Variants in NRG3 observed in about 807,000 individuals in gnomAD.
NRG3 encodes the protein neuregulin 3, also known as pro-neuregulin-3, membrane-bound isoform.
Under a neutral mutation model 66.9 loss-of-function variants are expected in NRG3, and 31 were observed. The ratio of observed to expected loss-of-function variants is 0.46; its 90% CI spans 0.35 to 0.63. The LOEUF (loss-of-function observed/expected upper bound fraction) is 0.63, where lower values mean the gene tolerates loss of function less well. Ranked by LOEUF, NRG3 falls within the 20% of genes least tolerant of loss-of-function variation. NRG3 has a pLI of 0.00. For synonymous variants in NRG3, 393 were observed against 359.4 expected, an observed-to-expected ratio of 1.09 and a Z score of -1.06; for missense variants, 910 against 878.9, an observed-to-expected ratio of 1.04 and a Z score of -0.45.
At chr10:82,374,388 G>A (rs2085077363) in intron 2 of NRG3, among the ~76,000 whole-genome samples, 1 of 152,164 alleles carries the variant, frequency 6.6e-6, no homozygotes, top group Admixed American at 6.5e-5. Flanking sequence ...TAAAGCTCTC[G>A]ATCCTCCAAT....
intron 2 of NRG3, among the ~76,000 whole-genome samples, chr10:82,438,788 C>G (rs556403690): frequency 4.6e-5 from 7 of 152,258 alleles, no homozygotes; most frequent in African/African-American, 1.4e-4. Flanking sequence ...TTCTTCTTTC[C>G]CATGTGGCTT....
chr10:81,891,440 C>T (rs1282896064), intron 1 of NRG3, among the ~76,000 whole-genome samples: 1 of 152,078 alleles, frequency 6.6e-6, no homozygotes, highest in Non-Finnish European at 1.5e-5. Context: ...GGCTTGTTAC[C>T]TCATCTCCAT....
At position 82,886,360 on chromosome 10, in the gene NRG3, GC is replaced by G. The variant is rs563326153; in HGVS notation, c.1054+20924del. On this transcript the variant is annotated intron_variant, in intron 4 of 8. Coordinates refer to ENST00000372141, the MANE Select transcript of NRG3 (RefSeq NM_001010848.4). ...GCTCAACCCTCACTAGCAGTACCTCGCATATACATGAGTTTGAATGTTCCCT... is the reference window on the plus strand; with the variant it reads ...GCTCAACCCTCACTAGCAGTACCTCGATATACATGAGTTTGAATGTTCCCT... 1.6e-3 allele frequency among the ~76,000 whole-genome samples: 238 copies of G among 152,202 alleles called. 3 individuals carry two copies. Among genetic ancestry groups the G allele is most frequent in the African/African-American group, 5.5e-3 (227 of 41,532 alleles).
chr10:82,199,895 T>C (rs1004048939), intron 1 of NRG3, among the ~76,000 whole-genome samples: 84 of 141,392 alleles, frequency 5.9e-4, no homozygotes, highest in African/African-American at 1.7e-3. Context: ...TGTGCGTGTG[T>C]GTGTGTGTGT....
At chr10:82,839,579 A>G (rs1023369705) in intron 3 of NRG3, among the ~76,000 whole-genome samples, 1 of 151,578 alleles carries the variant, frequency 6.6e-6, no homozygotes, top group Non-Finnish European at 1.5e-5. Context: ...AAAAATATAG[A>G]TATTATTGAG....
rs188623595 is a variant in NRG3 at position 82,916,052 on chromosome 10, T to A, written c.1055-35417T>A. Reference sequence around the variant, plus strand: ...GCAAAAAAATCCAAAAAATATATCATGTTCTATTTGTATAAGGCTTTACAT... The same window carrying A: ...GCAAAAAAATCCAAAAAATATATCAAGTTCTATTTGTATAAGGCTTTACAT... On this transcript the variant is annotated intron_variant, in intron 4 of 8. Coordinates refer to ENST00000372141, the MANE Select transcript of NRG3 (RefSeq NM_001010848.4). 1.3e-4 allele frequency among the ~76,000 whole-genome samples: 20 copies of A among 152,324 alleles called. No homozygotes were observed. The East Asian group carries it at 3.7e-3, about 28-fold the overall frequency.
At chr10:82,350,661 T>G (rs1435284552) in intron 1 of NRG3, among the ~76,000 whole-genome samples, 1 of 152,194 alleles carries the variant, frequency 6.6e-6, no homozygotes, top group Non-Finnish European at 1.5e-5. Context: ...AATAGCACAT[T>G]TAAATTCATA....
At chr10:82,163,809 G>A (rs1456278211) in intron 1 of NRG3, among the ~76,000 whole-genome samples, 1 of 151,976 alleles carries the variant, frequency 6.6e-6, no homozygotes, top group African/African-American at 2.4e-5. Flanking sequence ...GTATGCTTTT[G>A]GTACTATGGT....
At chr10:82,693,927 A>C (rs2050461) in intron 2 of NRG3, among the ~76,000 whole-genome samples, 93,322 of 152,154 alleles carry the variant, frequency 0.61, 29,832 homozygotes, top group East Asian at 0.74. Flanking sequence ...CCAGCTTTTT[A>C]TTCTCTTATT....
At chr10:82,225,044 T>C (rs1270195056) in intron 1 of NRG3, among the ~76,000 whole-genome samples, 1 of 152,038 alleles carries the variant, frequency 6.6e-6, no homozygotes, top group Non-Finnish European at 1.5e-5. Flanking sequence ...ATATTCAGTA[T>C]ACTTTTAAAA....
chr10:82,342,984 A>T (rs1177355311), intron 1 of NRG3, among the ~76,000 whole-genome samples: 1 of 152,070 alleles, frequency 6.6e-6, no homozygotes, highest in Non-Finnish European at 1.5e-5. Flanking sequence ...CCGTCTGCAT[A>T]TGGTTATCCA....
chr10:82,656,373 A>G (rs678139), intron 2 of NRG3, among the ~76,000 whole-genome samples: 130,404 of 148,844 alleles, frequency 0.88, 57,210 homozygotes, highest in Middle Eastern at 0.92. Context: ...TTTTAATATG[A>G]TTGCATCAAA....
At chr10:82,653,649 T>A (rs562711569) in intron 2 of NRG3, among the ~76,000 whole-genome samples, 68 of 148,692 alleles carry the variant, frequency 4.6e-4, no homozygotes, top group East Asian at 2.4e-3. Flanking sequence ...AGGTTTTTTT[T>A]TAAAAAAAAA....
At chr10:82,810,281 G>GT (rs1275449152) in intron 3 of NRG3, among the ~76,000 whole-genome samples, 2 of 152,050 alleles carry the variant, frequency 1.3e-5, no homozygotes, top group African/African-American at 4.8e-5. Context: ...TAAAGATCTG[G>GT]TTTTTATACT....
intron 2 of NRG3, among the ~76,000 whole-genome samples, chr10:82,669,876 C>T (rs963203674): frequency 6.6e-6 from 1 of 150,546 alleles, no homozygotes; most frequent in Non-Finnish European, 1.5e-5. Flanking sequence ...TGCAGTGAGC[C>T]GAGATCGCAC....
At chr10:82,267,783 G>A (rs1376851014) in intron 1 of NRG3, among the ~76,000 whole-genome samples, 2 of 152,176 alleles carry the variant, frequency 1.3e-5, no homozygotes, top group South Asian at 2.1e-4. Flanking sequence ...TGAGGAGTGT[G>A]TAGGACTGAT....
intron 2 of NRG3, among the ~76,000 whole-genome samples, chr10:82,398,630 TAAAC>T (rs1343739435): frequency 4.0e-5 from 6 of 151,694 alleles, no homozygotes; most frequent in Non-Finnish European, 8.8e-5. Context: ...GCATAGTAAG[TAAAC>T]AAACCGACAT....
chr10:82,948,968 T>C (rs1451610695), intron 4 of NRG3, among the ~76,000 whole-genome samples: 2 of 152,186 alleles, frequency 1.3e-5, no homozygotes, highest in Non-Finnish European at 2.9e-5. Flanking sequence ...TGAGAGTGGA[T>C]ATTCTTGCTT....
intron 1 of NRG3, among the ~76,000 whole-genome samples, chr10:82,046,017 G>A (rs1161398002): frequency 2.1e-5 from 3 of 144,128 alleles, no homozygotes; most frequent in Non-Finnish European, 4.6e-5. Flanking sequence ...CTCCAGGTTT[G>A]TTCTTTTGGC....
Sources: allele counts gnomAD v4.1 joint callset (sites outside exome capture counted in the v4.1 genomes callset), GRCh38; gene constraint gnomAD v4.1.1; transcripts MANE v1.5; gene names NCBI Gene and HGNC (gene_info 2026-07-23, HGNC 2026-07-21).